BRINP1: variants seen among roughly 807,000 people sequenced by gnomAD.
BRINP1 encodes the protein BMP/retinoic acid-inducible neural-specific protein 1.
A neutral mutation model predicts 72.9 loss-of-function variants in BRINP1; 17 were observed. The observed-to-expected ratio is 0.23, with a 90% CI of 0.16 to 0.35. The LOEUF (loss-of-function observed/expected upper bound fraction) is 0.35. BRINP1 is among the 10% of genes least tolerant of loss of function. BRINP1 has a pLI of 1.00. For missense variants in BRINP1, 850 were observed against 1,001.6 expected, an observed-to-expected ratio of 0.85 and a Z score of 2.04; for synonymous variants, 418 against 378.5, an observed-to-expected ratio of 1.10 and a Z score of -1.21.
In BRINP1 at chr9:119,369,245, G is replaced by A. The variant is rs951786097; in HGVS notation, c.-240C>T. 11 of 398,760 alleles carry A rather than the reference G, an allele frequency of 2.8e-5. No individual in the cohort carries two copies. Among genetic ancestry groups the A allele is most frequent in the African/African-American group, 2.3e-4 (11 of 48,776 alleles). 24.7% of individuals were successfully genotyped at this position (398,760 alleles called of 1,614,324 possible). ...GTAAAGTCCCCTTCGCTGGTCCCGA[G>A]GACAGGCATGAATCCCGGCTCCGGA... On this transcript the variant is annotated 5_prime_UTR_variant, in exon 1 of 8. Coordinates refer to ENST00000265922, the MANE Select transcript of BRINP1 (RefSeq NM_014618.3).
chr9:119,246,716 C>T (rs1228904378), intron 3 of BRINP1, among the ~76,000 whole-genome samples: 1 of 152,202 alleles, frequency 6.6e-6, no homozygotes, highest in African/African-American at 2.4e-5. Context: ...TTCCCACCTC[C>T]CTTCTCTCAT....
At chr9:119,168,567 CTAGACTCAAAT>C (rs1829349657) in intron 7 of BRINP1, among the ~76,000 whole-genome samples, 1 of 118,562 alleles carries the variant, frequency 8.4e-6, no homozygotes, top group South Asian at 3.0e-4. Flanking sequence ...ATGAAAGTGT[CTAGACTCAAAT>C]ACCCCTTCTG....
intron 2 of BRINP1, among the ~76,000 whole-genome samples, chr9:119,310,357 G>C (rs1831048702): frequency 6.6e-6 from 1 of 152,156 alleles, no homozygotes; most frequent in Admixed American, 6.5e-5. Flanking sequence ...TTTACGTCAT[G>C]CCCTCAAAAG....
intron 7 of BRINP1, among the ~76,000 whole-genome samples, chr9:119,195,441 G>A (rs1265528902): frequency 2.0e-5 from 3 of 152,172 alleles, no homozygotes; most frequent in Non-Finnish European, 4.4e-5. Flanking sequence ...TTTCTCCTTT[G>A]TAAACGGGGA....
At chr9:119,225,759 G>C (rs1473292368) in intron 5 of BRINP1, among the ~76,000 whole-genome samples, 1 of 151,862 alleles carries the variant, frequency 6.6e-6, no homozygotes, top group Non-Finnish European at 1.5e-5. Flanking sequence ...AGGGGGTATA[G>C]AGTTTGTTTT....
intron 2 of BRINP1, among the ~76,000 whole-genome samples, chr9:119,288,457 C>A (rs1017599996): frequency 2.0e-5 from 3 of 152,118 alleles, no homozygotes; most frequent in Admixed American, 6.5e-5. Flanking sequence ...GCCTTGACCT[C>A]AGTAGCCAAC....
intron 2 of BRINP1, among the ~76,000 whole-genome samples, chr9:119,307,024 G>A (rs1163117781): frequency 6.6e-6 from 1 of 151,474 alleles, no homozygotes; most frequent in Non-Finnish European, 1.5e-5. Context: ...AAATGCTAGA[G>A]CAGGATTTCT....
At chr9:119,250,277 A>G (rs993037874) in intron 2 of BRINP1, among the ~76,000 whole-genome samples, 2 of 152,190 alleles carry the variant, frequency 1.3e-5, no homozygotes, top group African/African-American at 4.8e-5. Flanking sequence ...CCAAAATGTT[A>G]ACATGTATTC....
At chr9:119,170,563 T>G (rs1320631964) in intron 7 of BRINP1, among the ~76,000 whole-genome samples, 3 of 152,038 alleles carry the variant, frequency 2.0e-5, no homozygotes, top group Non-Finnish European at 4.4e-5. Flanking sequence ...CTCTGCAGGA[T>G]ATTATCCAGG....
chr9:119,196,648 G>A (rs1400948937), intron 7 of BRINP1, among the ~76,000 whole-genome samples: 1 of 152,188 alleles, frequency 6.6e-6, no homozygotes, highest in African/African-American at 2.4e-5. Flanking sequence ...GCTAGGAACA[G>A]TGAATATGTG....
Position 119,167,608 on chromosome 9 carries a change from C to G in BRINP1, c.1762G>C (p.Glu588Gln), listed in dbSNP as rs1304067365. The change falls in exon 8 of 8, where the codon GAG (glutamate) becomes CAG (glutamine). Residue 588 changes from glutamate to glutamine, a missense_variant. Transcript: ENST00000265922. This position sits in a 1 kb window ranked among gnomAD's most constrained non-coding sequence, Gnocchi z 4.3. Reference sequence around the variant, plus strand: ...TGGCTGTTTTGGAGACGGATCTTCTCCCAGCGTGGGTAGCCAAATTCCCCG... The same window carrying G: ...TGGCTGTTTTGGAGACGGATCTTCTGCCAGCGTGGGTAGCCAAATTCCCCG... ...PFGEFGYPRW[E>Q]KIRLQNSQCY... is the part of the protein sequence containing the mutation. 3 of 1,614,152 alleles carry G rather than the reference C, an allele frequency of 1.9e-6. No homozygotes were observed. In the East Asian group the frequency reaches 6.7e-5, roughly 36 times the overall value.
intron 6 of BRINP1, among the ~76,000 whole-genome samples, chr9:119,210,392 A>G (rs912918008): frequency 6.6e-6 from 1 of 152,240 alleles, no homozygotes; most frequent in Non-Finnish European, 1.5e-5. Flanking sequence ...AAATGCTTAC[A>G]TAGCTCTTGA....
chr9:119,313,484 G>GA (rs1205111501), intron 1 of BRINP1, 79 bp from the exon 2 acceptor site: 38 of 1,319,720 alleles, frequency 2.9e-5, no homozygotes, highest in Admixed American at 2.9e-5. Context: ...AGGAGTAAAA[G>GA]AAAAAGACAC....
intron 7 of BRINP1, among the ~76,000 whole-genome samples, chr9:119,203,463 T>C (rs185954425): frequency 1.5e-4 from 23 of 152,272 alleles, no homozygotes; most frequent in African/African-American, 5.5e-4. Flanking sequence ...TATCAGTTCT[T>C]GGGGGAAAAA....
chr9:119,265,034 T>C (rs77503571), intron 2 of BRINP1, among the ~76,000 whole-genome samples: 3,135 of 152,308 alleles, frequency 0.021, 53 homozygotes, highest in Middle Eastern at 0.054. Flanking sequence ...TCTTTTGTTG[T>C]TATGCTCCAT....
At chr9:119,232,347 G>T (rs1055345193) in intron 5 of BRINP1, among the ~76,000 whole-genome samples, 5 of 152,040 alleles carry the variant, frequency 3.3e-5, no homozygotes, top group African/African-American at 9.7e-5. Flanking sequence ...AACTGTTCTT[G>T]CCCTCTACAG....
chr9:119,191,117 A>G (rs1829679430), intron 7 of BRINP1, among the ~76,000 whole-genome samples: 1 of 151,988 alleles, frequency 6.6e-6, no homozygotes, highest in Non-Finnish European at 1.5e-5. Flanking sequence ...AAATTTAGCT[A>G]TAGAATAAAA....
Position 119,242,053 on chromosome 9 carries a change from T to G in BRINP1, c.573A>C (p.Ala191=). 1 of 1,613,714 alleles carries G rather than the reference T, an allele frequency of 6.2e-7. No individual in the cohort carries two copies. Among genetic ancestry groups the G allele is most frequent in the African/African-American group, 1.3e-5 (1 of 75,036 alleles). Residue 191 remains alanine, a synonymous_variant, in exon 4 of 8, where the codon GCA becomes GCC. Coordinates refer to ENST00000265922, the MANE Select transcript of BRINP1 (RefSeq NM_014618.3). ...ATCCACCCCGGAGCTGTACCTTGAT[T>G]GCTCCAGTTGATATCTGGATCTCAT... ...RLHEIQISTG[A]IKVTETRTGP...
At chr9:119,278,695 C>G (rs535155046) in intron 2 of BRINP1, among the ~76,000 whole-genome samples, 2 of 152,184 alleles carry the variant, frequency 1.3e-5, no homozygotes, top group Non-Finnish European at 2.9e-5. Flanking sequence ...CGAGACCATT[C>G]TGGCCAACAT....
Sources: allele counts gnomAD v4.1 joint callset (sites outside exome capture counted in the v4.1 genomes callset), GRCh38; gene constraint gnomAD v4.1.1; non-coding constraint Gnocchi (gnomAD v3.1); transcripts MANE v1.5; gene names NCBI Gene and HGNC (gene_info 2026-07-23, HGNC 2026-07-21).